The following IPO5 variants were observed in gnomAD, a reference collection of about 807,000 sequenced individuals.
The protein encoded by IPO5 is importin-5.
In IPO5, 18 loss-of-function variants were observed where a neutral mutation model predicts 143.3. The observed-to-expected ratio is 0.13, with a 90% CI of 0.09 to 0.19. The LOEUF (loss-of-function observed/expected upper bound fraction) is 0.19, where lower values mean the gene tolerates loss of function less well. Ranked by LOEUF, IPO5 falls within the 10% of genes least tolerant of loss-of-function variation. IPO5 has a pLI of 1.00. For synonymous variants in IPO5, 477 were observed against 465.7 expected (o/e 1.02, Z -0.31); for missense variants, 1,013 against 1,336.9 (o/e 0.76, Z 3.78).
At chr13:97,976,670 C>G (rs199783465) in intron 3 of IPO5, 23 bp from the exon 4 acceptor site, 4 of 1,245,578 alleles carry the variant, frequency 3.2e-6, no homozygotes, top group Non-Finnish European at 4.3e-6. Context: ...TGTCTCCCCT[C>G]CCTCCTTCTC....
intron 5 of IPO5, among the ~76,000 whole-genome samples, chr13:97,983,688 T>C (rs948149545): frequency 1.3e-5 from 2 of 152,140 alleles, no homozygotes; most frequent in Non-Finnish European, 2.9e-5. Context: ...GAGTTTGTAG[T>C]GTAAGACTTT....
intron 18 of IPO5, among the ~76,000 whole-genome samples, chr13:98,009,550 T>C (rs1200183351): frequency 1.3e-5 from 2 of 152,230 alleles, no homozygotes; most frequent in South Asian, 2.1e-4. Flanking sequence ...ATGAAGTGTT[T>C]GGTTTTGTTT....
At chr13:97,990,383 G>A (rs1464753406) in intron 8 of IPO5, 50 bp from the exon 9 acceptor site, 1 of 1,361,132 alleles carries the variant, frequency 7.3e-7, no homozygotes, top group Non-Finnish European at 1.0e-6. Flanking sequence ...ACTTGAATTT[G>A]CGTTTATCAA....
At chr13:97,959,317 C>T (rs1884688722) in intron 2 of IPO5, among the ~76,000 whole-genome samples, 1 of 152,178 alleles carries the variant, frequency 6.6e-6, no homozygotes, top group Non-Finnish European at 1.5e-5. Flanking sequence ...CTATCCCCTT[C>T]TTTCCTTTCT....
At chr13:97,971,479 G>A (rs1885822542) in intron 3 of IPO5, among the ~76,000 whole-genome samples, 1 of 152,142 alleles carries the variant, frequency 6.6e-6, no homozygotes, top group Non-Finnish European at 1.5e-5. Flanking sequence ...GAAAACATCA[G>A]TATTAGAGTC....
At chr13:97,997,668 G>A (rs765123847) in intron 12 of IPO5, 50 bp downstream of exon 12, 23 of 1,153,048 alleles carry the variant, frequency 2.0e-5, no homozygotes, top group East Asian at 9.5e-5. Flanking sequence ...AGGGCTCCAC[G>A]GTCCATCTCT....
chr13:97,972,565 G>T (rs767140062), intron 3 of IPO5, among the ~76,000 whole-genome samples: 1 of 152,196 alleles, frequency 6.6e-6, no homozygotes, highest in Non-Finnish European at 1.5e-5. Flanking sequence ...GGTTGCAAAT[G>T]CTCCAAGCAA....
chr13:97,977,198 G>T, intron 4 of IPO5: 1 of 154,932 alleles, frequency 6.5e-6, no homozygotes, highest in Non-Finnish European at 1.4e-5. Flanking sequence ...GCCTAGCGCT[G>T]TGGGTCTCCC....
intron 26 of IPO5, among the ~76,000 whole-genome samples, chr13:98,019,227 C>T (rs1388741636): frequency 1.3e-5 from 2 of 152,190 alleles, no homozygotes; most frequent in African/African-American, 2.4e-5. Context: ...GCTGAGATTA[C>T]AGGCGTGAGC....
intron 6 of IPO5, among the ~76,000 whole-genome samples, chr13:97,985,999 A>C (rs1248778996): frequency 6.6e-6 from 1 of 152,118 alleles, no homozygotes; most frequent in Admixed American, 6.6e-5. Flanking sequence ...CTGTAGTCCC[A>C]GTTACTTGGG....
At chr13:97,980,490 G>T (rs1886748445) in intron 4 of IPO5, among the ~76,000 whole-genome samples, 1 of 152,142 alleles carries the variant, frequency 6.6e-6, no homozygotes, top group South Asian at 2.1e-4. Flanking sequence ...GCAAGAGTAG[G>T]GAGCCTCAGG....
At chr13:98,000,680 G>A (rs1192338747) in intron 13 of IPO5, 35 bp downstream of exon 13, 2 of 1,387,300 alleles carry the variant, frequency 1.4e-6, no homozygotes, top group South Asian at 2.3e-5. Flanking sequence ...GAAGAGTGAA[G>A]TTGTGCCCTT....
chr13:97,963,734 G>A (rs915363702), intron 2 of IPO5, among the ~76,000 whole-genome samples: 2 of 151,698 alleles, frequency 1.3e-5, no homozygotes, highest in Non-Finnish European at 2.9e-5. Flanking sequence ...TGTTTTTTTC[G>A]ACTGCTTTGG....
intron 11 of IPO5, among the ~76,000 whole-genome samples, chr13:97,995,326 AC>A (rs984833178): frequency 3.3e-4 from 50 of 150,876 alleles, no homozygotes; most frequent in African/African-American, 1.2e-3. Flanking sequence ...CTCCCCTCCC[AC>A]CCTTTCCCCT....
intron 12 of IPO5, 34 bp downstream of exon 12, chr13:97,997,652 A>G (rs1594092664): frequency 7.3e-7 from 1 of 1,370,654 alleles, no homozygotes; most frequent in South Asian, 1.2e-5. Flanking sequence ...TGGCAGTGAA[A>G]GCCCTAGGGC....
At chr13:97,955,858 G>A (rs958511216) in intron 2 of IPO5, among the ~76,000 whole-genome samples, 5 of 152,120 alleles carry the variant, frequency 3.3e-5, no homozygotes, top group African/African-American at 9.7e-5. Flanking sequence ...TTGGCCAGGC[G>A]CAGTGGCTCA....
chr13:97,985,648 A>G (rs1594066712), intron 6 of IPO5, 35 bp downstream of exon 6: 4 of 1,438,436 alleles, frequency 2.8e-6, no homozygotes, highest in East Asian at 2.3e-5. Flanking sequence ...TACCAAGAAC[A>G]TGGGTATATC....
intron 3 of IPO5, among the ~76,000 whole-genome samples, chr13:97,974,726 C>T (rs1462656733): frequency 2.6e-5 from 4 of 151,520 alleles, no homozygotes; most frequent in Non-Finnish European, 5.9e-5. Context: ...AAAGCTGCCC[C>T]AAAGTAATGT....
chr13:97,965,265 G>T (rs1885230725), intron 2 of IPO5, among the ~76,000 whole-genome samples: 1 of 152,048 alleles, frequency 6.6e-6, no homozygotes, highest in Non-Finnish European at 1.5e-5. Flanking sequence ...CTAGATGATG[G>T]GTTGGTAGGT....
Sources: gnomAD v4.1 joint callset for allele counts (sites outside exome capture counted in the v4.1 genomes callset) on GRCh38, gnomAD v4.1.1 for gene constraint, MANE v1.5 for transcripts, NCBI Gene and HGNC (gene_info 2026-07-23, HGNC 2026-07-21) for gene names.